Variants in MLLT3 observed in about 807,000 individuals in gnomAD.
The protein encoded by MLLT3 is protein AF-9.
A neutral mutation model predicts 53.2 loss-of-function variants in MLLT3; 4 were observed. That is an observed-to-expected ratio of 0.08 (90% CI 0.04 to 0.17). The LOEUF (loss-of-function observed/expected upper bound fraction) is 0.17, where lower values mean the gene tolerates loss of function less well. Ranked by LOEUF, MLLT3 falls within the 10% of genes least tolerant of loss-of-function variation. The probability of loss-of-function intolerance (pLI) is 1.00; values close to 1 mark genes in which losing one functional copy is unlikely to be tolerated. For synonymous variants in MLLT3, 283 were observed against 230.6 expected (o/e 1.23, Z -2.06); for missense variants, 569 against 684.0 (o/e 0.83, Z 1.87).
Position 20,342,162 on chromosome 9 carries a change from A to C in MLLT3, c.*4281T>G. 4.6e-6 allele frequency: 1 copy of C among 216,924 alleles called. No individual in the cohort carries two copies. The highest frequency in any genetic ancestry group is 9.3e-6 in the Non-Finnish European group (1 of 107,660). The allele number at this position is 216,924 out of a possible 1,614,324, so 13.4% of individuals were successfully genotyped here. ...CAAAATAAAGCCAAACTTTGGTCAA[A>C]TGACTCTCAGCAAATCAGTACAATT... is the stretch of plus-strand genomic sequence containing the variant. On this transcript the variant is annotated 3_prime_UTR_variant, in exon 11 of 11. Transcript: ENST00000380338.
intron 5 of MLLT3, among the ~76,000 whole-genome samples, chr9:20,402,768 T>G (rs1822487742): frequency 6.6e-6 from 1 of 152,084 alleles, no homozygotes; most frequent in Non-Finnish European, 1.5e-5. Context: ...TCTCACCAAT[T>G]AACTTACATG....
intron 2 of MLLT3, among the ~76,000 whole-genome samples, chr9:20,512,523 G>C (rs781686004): frequency 6.6e-6 from 1 of 152,192 alleles, no homozygotes; most frequent in Non-Finnish European, 1.5e-5. Context: ...AATGGCTATT[G>C]TTGCAGAACC....
chr9:20,495,361 G>A (rs1293415751), intron 2 of MLLT3, among the ~76,000 whole-genome samples: 1 of 152,142 alleles, frequency 6.6e-6, no homozygotes, highest in Non-Finnish European at 1.5e-5. Flanking sequence ...AGATGCCCAG[G>A]TTATCAGTCT....
At position 20,620,581 on chromosome 9, in the gene MLLT3, A is replaced by AGCGGGACC. The variant is rs1354606115; in HGVS notation, c.193+65_193+72dup. ...CGGCGCGGGGGGCGGGGAGCGGGAC[A>AGCGGGACC]GCGGGACCGCCCGGGCCAAGCGATT... is the stretch of plus-strand genomic sequence containing the variant. On this transcript the variant is annotated intron_variant, in intron 2 of 10. Transcript: ENST00000380338. This position sits in a 1 kb window ranked among gnomAD's most constrained non-coding sequence, Gnocchi z 6.1. The AGCGGGACC allele has an allele frequency of 6.0e-5, 87 of 1,443,050 alleles. No homozygotes were observed. The highest frequency in any genetic ancestry group is 8.0e-5 in the Non-Finnish European group (85 of 1,061,652). 89.4% of individuals were successfully genotyped at this position (1,443,050 alleles called of 1,614,324 possible).
intron 2 of MLLT3, among the ~76,000 whole-genome samples, chr9:20,473,659 A>T (rs7030726): frequency 0.61 from 93,007 of 151,784 alleles, 30,285 homozygotes; most frequent in African/African-American, 0.84. Flanking sequence ...ATACTCAAAC[A>T]TTTCCCATAA....
chr9:20,569,911 T>A (rs1486428446), intron 2 of MLLT3, among the ~76,000 whole-genome samples: 2 of 152,104 alleles, frequency 1.3e-5, no homozygotes, highest in Non-Finnish European at 2.9e-5. Context: ...AAACATCCTT[T>A]CTCCTCCAAT....
chr9:20,424,461 A>C (rs1244279653), intron 4 of MLLT3, among the ~76,000 whole-genome samples: 1 of 152,148 alleles, frequency 6.6e-6, no homozygotes, highest in East Asian at 1.9e-4. Flanking sequence ...AAGTCATAAA[A>C]ATTTATAGTG....
chr9:20,426,405 TA>T (rs1260251242), intron 4 of MLLT3, among the ~76,000 whole-genome samples: 2 of 152,170 alleles, frequency 1.3e-5, no homozygotes, highest in African/African-American at 4.8e-5. Flanking sequence ...AATCGTTAAA[TA>T]ACAGAGAATA....
intron 4 of MLLT3, among the ~76,000 whole-genome samples, chr9:20,445,161 A>G (rs566749051): frequency 6.6e-6 from 1 of 152,234 alleles, no homozygotes; most frequent in East Asian, 1.9e-4. Flanking sequence ...AGCTCCCATG[A>G]GCTGTCTAAT....
intron 2 of MLLT3, among the ~76,000 whole-genome samples, chr9:20,536,353 C>T (rs1415918683): frequency 6.6e-6 from 1 of 151,980 alleles, no homozygotes; most frequent in Admixed American, 6.6e-5. Context: ...TTTGGCAGGG[C>T]ACACAGTAAT....
In MLLT3 at chr9:20,379,108, T is replaced by A. The variant is rs141844863; in HGVS notation, c.1126-13364A>T. Among the ~76,000 whole-genome samples the A allele has an allele frequency of 3.2e-4, 48 of 152,170 alleles. 1 individual carries two copies. In the East Asian group the frequency reaches 9.0e-3, roughly 29 times the overall value. ...TGCCTTTTACCGCCTTTTCTCACCA[T>A]CAGAAAGATGCCTATTTGGGTAACA... On this transcript the variant is annotated intron_variant, in intron 5 of 10. Coordinates refer to ENST00000380338, the MANE Select transcript of MLLT3 (RefSeq NM_004529.4).
At chr9:20,395,071 C>G (rs1822287168) in intron 5 of MLLT3, among the ~76,000 whole-genome samples, 1 of 152,128 alleles carries the variant, frequency 6.6e-6, no homozygotes, top group Non-Finnish European at 1.5e-5. Context: ...GGAACTAAAC[C>G]ATAGCGTCTC....
intron 2 of MLLT3, among the ~76,000 whole-genome samples, chr9:20,513,562 T>C (rs1419976882): frequency 1.3e-5 from 2 of 152,078 alleles, no homozygotes; most frequent in Non-Finnish European, 2.9e-5. Flanking sequence ...GAAGTTCTAG[T>C]TGGTGGGTTT....
At chr9:20,446,942 T>C (rs910267515) in intron 4 of MLLT3, among the ~76,000 whole-genome samples, 1 of 152,252 alleles carries the variant, frequency 6.6e-6, no homozygotes, top group East Asian at 1.9e-4. Context: ...CCATAATCTA[T>C]TGACATATAT....
At chr9:20,602,676 T>C (rs1226815359) in intron 2 of MLLT3, among the ~76,000 whole-genome samples, 2 of 151,996 alleles carry the variant, frequency 1.3e-5, no homozygotes, top group East Asian at 3.9e-4. Context: ...ACTTAGAATT[T>C]GGCATCTTGG....
chr9:20,596,523 C>T (rs1820271754), intron 2 of MLLT3, among the ~76,000 whole-genome samples: 1 of 152,096 alleles, frequency 6.6e-6, no homozygotes. Context: ...GACCTTGTCT[C>T]TACTAAAAAT....
chr9:20,464,893 G>T (rs570087750), intron 2 of MLLT3, among the ~76,000 whole-genome samples: 2 of 151,898 alleles, frequency 1.3e-5, no homozygotes, highest in Admixed American at 1.3e-4. Flanking sequence ...ACCCACACAG[G>T]TCTGGCTCTT....
intron 5 of MLLT3, among the ~76,000 whole-genome samples, chr9:20,394,986 G>A (rs1586916465): frequency 6.6e-6 from 1 of 152,206 alleles, no homozygotes; most frequent in African/African-American, 2.4e-5. Context: ...GTGAAAGAAA[G>A]GTCCCACAAG....
chr9:20,601,618 G>A (rs1205188015), intron 2 of MLLT3, among the ~76,000 whole-genome samples: 2 of 152,152 alleles, frequency 1.3e-5, no homozygotes, highest in South Asian at 2.1e-4. Flanking sequence ...ACTGCAAACA[G>A]AAAGAAGTGT....
Sources: allele counts gnomAD v4.1 joint callset (sites outside exome capture counted in the v4.1 genomes callset), GRCh38; gene constraint gnomAD v4.1.1; non-coding constraint Gnocchi (gnomAD v3.1); transcripts MANE v1.5; gene names NCBI Gene and HGNC (gene_info 2026-07-23, HGNC 2026-07-21).